The following KCNIP1 variants were observed in gnomAD, a reference collection of about 807,000 sequenced individuals.
The protein encoded by KCNIP1 is potassium voltage-gated channel interacting protein 1.
A neutral mutation model predicts 33.0 loss-of-function variants in KCNIP1; 18 were observed. The ratio of observed to expected loss-of-function variants is 0.55; its 90% CI spans 0.38 to 0.81. KCNIP1 has a LOEUF of 0.81. Ranked by LOEUF, KCNIP1 falls within the 30% of genes least tolerant of loss-of-function variation. The pLI, the probability that KCNIP1 is intolerant of heterozygous loss-of-function variation, is 0.00. For synonymous variants in KCNIP1, 93 were observed against 98.3 expected, an observed-to-expected ratio of 0.95 and a Z score of 0.32; for missense variants, 238 against 271.6, an observed-to-expected ratio of 0.88 and a Z score of 0.87.
chr5:170,362,181 A>G (rs1308293972), intron 1 of KCNIP1, among the ~76,000 whole-genome samples: 1 of 152,132 alleles, frequency 6.6e-6, no homozygotes, highest in Non-Finnish European at 1.5e-5. Context: ...TTACAGATAT[A>G]AAGAGCGAGC....
At chr5:170,569,167 C>T (rs1277023540) in intron 1 of KCNIP1, among the ~76,000 whole-genome samples, 3 of 152,178 alleles carry the variant, frequency 2.0e-5, no homozygotes, top group Non-Finnish European at 4.4e-5. Flanking sequence ...GTAGACAGAC[C>T]TCTTTAGCAG....
chr5:170,501,779 C>T (rs1646976768), upstream of KCNIP1, among the ~76,000 whole-genome samples: 1 of 152,244 alleles, frequency 6.6e-6, no homozygotes, highest in Non-Finnish European at 1.5e-5. Context: ...TAACTTTCTC[C>T]TCAGCAAAGA....
chr5:170,708,344 A>G (rs749670074), intron 1 of KCNIP1, among the ~76,000 whole-genome samples: 12 of 152,358 alleles, frequency 7.9e-5, no homozygotes, highest in South Asian at 2.1e-4. Context: ...AATGTAGTCA[A>G]TATAGTTCAG....
At chr5:170,679,274 A>T (rs999793277) in intron 1 of KCNIP1, 1 of 152,240 alleles carries the variant, frequency 6.6e-6, no homozygotes, top group Non-Finnish European at 1.5e-5. Context: ...AAAATTTAAC[A>T]ATTAGTTTTC....
At chr5:170,563,960 G>T (rs886169324) in intron 1 of KCNIP1, among the ~76,000 whole-genome samples, 9 of 152,092 alleles carry the variant, frequency 5.9e-5, no homozygotes, top group Non-Finnish European at 1.3e-4. Flanking sequence ...ACCATTTGGG[G>T]CATATTCAGG....
upstream of KCNIP1, among the ~76,000 whole-genome samples, chr5:170,503,724 TCA>T (rs70979180): frequency 0.024 from 3,217 of 136,490 alleles, 54 homozygotes; most frequent in East Asian, 0.055. Flanking sequence ...CGCACGCACA[TCA>T]CACACACACA....
intron 1 of KCNIP1, among the ~76,000 whole-genome samples, chr5:170,405,651 T>C (rs1561609578): frequency 6.6e-6 from 1 of 152,212 alleles, no homozygotes; most frequent in African/African-American, 2.4e-5. Flanking sequence ...GGCAAAAGTA[T>C]TAGTGTCTGT....
At chr5:170,374,635 G>A (rs1305015173) in intron 1 of KCNIP1, 1 of 152,204 alleles carries the variant, frequency 6.6e-6, no homozygotes, top group Admixed American at 6.5e-5. Flanking sequence ...ACTAGTCCAT[G>A]AGAGGACAAT....
chr5:170,447,606 G>A (rs1264651479), intron 1 of KCNIP1, among the ~76,000 whole-genome samples: 5 of 152,126 alleles, frequency 3.3e-5, no homozygotes, highest in Non-Finnish European at 5.9e-5. Flanking sequence ...TGTTGGTCAT[G>A]CAAGCCACCA....
intron 1 of KCNIP1, among the ~76,000 whole-genome samples, chr5:170,631,570 C>T (rs1055761639): frequency 1.3e-5 from 2 of 152,264 alleles, no homozygotes; most frequent in African/African-American, 4.8e-5. Context: ...TTGTCTCCTG[C>T]ACAGAAGGGA....
At chr5:170,570,088 G>C (rs898904113) in intron 1 of KCNIP1, among the ~76,000 whole-genome samples, 2 of 152,310 alleles carry the variant, frequency 1.3e-5, no homozygotes, top group Admixed American at 1.3e-4. Flanking sequence ...GTACGTGGCA[G>C]AGCCAGCCCA....
chr5:170,487,312 T>C (rs1757118170), intron 1 of KCNIP1, among the ~76,000 whole-genome samples: 1 of 152,196 alleles, frequency 6.6e-6, no homozygotes, highest in Non-Finnish European at 1.5e-5. Context: ...CTGCTTTAAA[T>C]GTTAATTTCT....
chr5:170,732,865 A>AT lies in KCNIP1; in HGVS notation c.501_502insT (p.Glu168Ter), dbSNP rs1484010261. The AT allele has an allele frequency of 3.1e-6, 5 of 1,613,828 alleles. No individual in the cohort carries two copies. On this transcript the variant is annotated frameshift_variant, in exon 6 of 8. Coordinates refer to ENST00000328939, the MANE Select transcript of KCNIP1 (RefSeq NM_014592.4). LOFTEE classifies it high-confidence loss of function. ...GGAAATACACATATCCTGTGCTCAA[A>AT]GAGGACACTCCAAGGCAGCATGTGG...
intron 1 of KCNIP1, among the ~76,000 whole-genome samples, chr5:170,477,067 T>A (rs557590189): frequency 6.6e-6 from 1 of 152,262 alleles, no homozygotes; most frequent in East Asian, 1.9e-4. Flanking sequence ...GACAGATAAA[T>A]GGGAATTCTC....
intron 1 of KCNIP1, among the ~76,000 whole-genome samples, chr5:170,453,010 G>A (rs1172005950): frequency 3.9e-5 from 6 of 152,204 alleles, no homozygotes; most frequent in Admixed American, 3.3e-4. Context: ...GATTATTACT[G>A]ATTAAGTATA....
intron 1 of KCNIP1, among the ~76,000 whole-genome samples, chr5:170,395,370 C>T (rs998740439): frequency 6.6e-6 from 1 of 152,192 alleles, no homozygotes; most frequent in African/African-American, 2.4e-5. Context: ...ATTTCAAAAA[C>T]ATTTTTCTAG....
chr5:170,540,653 C>T (rs1205173576), intron 1 of KCNIP1, among the ~76,000 whole-genome samples: 4 of 152,200 alleles, frequency 2.6e-5, no homozygotes, highest in Non-Finnish European at 5.9e-5. Context: ...TGGCCCATGT[C>T]TGAGGCATCT....
At chr5:170,593,415 T>C (rs975132372) in intron 1 of KCNIP1, among the ~76,000 whole-genome samples, 6 of 152,168 alleles carry the variant, frequency 3.9e-5, no homozygotes, top group Admixed American at 3.3e-4. Flanking sequence ...CTAATAGAGA[T>C]ATCACGGAGA....
intron 1 of KCNIP1, among the ~76,000 whole-genome samples, chr5:170,443,882 G>A (rs1581198031): frequency 6.6e-6 from 1 of 152,222 alleles, no homozygotes; most frequent in African/African-American, 2.4e-5. Flanking sequence ...GAAGAGAAAG[G>A]GAGTCAGGCC....
Sources: gnomAD v4.1 joint callset for allele counts (sites outside exome capture counted in the v4.1 genomes callset) on GRCh38, gnomAD v4.1.1 for gene constraint, MANE v1.5 for transcripts, NCBI Gene and HGNC (gene_info 2026-07-23, HGNC 2026-07-21) for gene names.